The following PLEKHA7 variants were observed in gnomAD, a reference collection of about 807,000 sequenced individuals.
The protein encoded by PLEKHA7 is pleckstrin homology domain-containing family A member 7.
Under a neutral mutation model 170.0 loss-of-function variants are expected in PLEKHA7, and 104 were observed. The observed-to-expected ratio is 0.61, with a 90% confidence interval of 0.52 to 0.72. The LOEUF (loss-of-function observed/expected upper bound fraction) is 0.72, where lower values mean the gene tolerates loss of function less well. PLEKHA7 is among the 30% of genes least tolerant of loss of function. PLEKHA7 has a pLI of 0.00. For missense variants in PLEKHA7, 1,615 were observed against 1,671.7 expected, an observed-to-expected ratio of 0.97 and a Z score of 0.59; for synonymous variants, 648 against 660.8, an observed-to-expected ratio of 0.98 and a Z score of 0.30.
Position 16,803,067 on chromosome 11 carries a change from A to G in PLEKHA7, c.2077-15T>C, listed in dbSNP as rs1274606996. 1 of 1,608,974 alleles carries G rather than the reference A, an allele frequency of 6.2e-7. No homozygotes were observed. Among genetic ancestry groups the G allele is most frequent in the South Asian group, 1.1e-5 (1 of 90,972 alleles). ...CTCAGTTTGACCTAAAAGCAAGAAC[A>G]GGTGGAGAGGGCCTGGGGTGATGAG... is the stretch of plus-strand genomic sequence containing the variant. On this transcript the variant is annotated splice_polypyrimidine_tract_variant and intron_variant, in intron 14 of 26. Transcript: ENST00000531066.
chr11:16,981,124 G>A (rs1263860127), intron 3 of PLEKHA7, among the ~76,000 whole-genome samples: 1 of 152,060 alleles, frequency 6.6e-6, no homozygotes, highest in Non-Finnish European at 1.5e-5. Context: ...GTGTTGCTCT[G>A]TTCCTCCTGC....
chr11:16,874,869 T>C (rs1484517074), intron 3 of PLEKHA7, among the ~76,000 whole-genome samples: 2 of 152,144 alleles, frequency 1.3e-5, no homozygotes, highest in Non-Finnish European at 2.9e-5. Flanking sequence ...CTGGGGCAGA[T>C]CCAGCAGCCA....
intron 3 of PLEKHA7, among the ~76,000 whole-genome samples, chr11:16,886,060 CCA>C (rs1393616467): frequency 6.6e-6 from 1 of 152,010 alleles, no homozygotes; most frequent in Non-Finnish European, 1.5e-5. Context: ...ACTGTTTCTT[CCA>C]CAGAGTGAAA....
intron 13 of PLEKHA7, among the ~76,000 whole-genome samples, chr11:16,804,814 C>G (rs1225237975): frequency 6.6e-6 from 1 of 152,218 alleles, no homozygotes; most frequent in African/African-American, 2.4e-5. Context: ...TGTGTACATA[C>G]ACGTATACAC....
chr11:16,966,286 A>ATG (rs1491223432), intron 3 of PLEKHA7, among the ~76,000 whole-genome samples: 35 of 110,986 alleles, frequency 3.2e-4, no homozygotes, highest in African/African-American at 1.2e-3. Context: ...ATGGTTGTGC[A>ATG]TGTATGTGTG....
chr11:16,961,815 A>G (rs1862076960), intron 3 of PLEKHA7, among the ~76,000 whole-genome samples: 1 of 152,212 alleles, frequency 6.6e-6, no homozygotes, highest in Non-Finnish European at 1.5e-5. Context: ...GATTTAACTT[A>G]GGCAAGTCTT....
At chr11:16,849,070 T>C (rs1057181447) in intron 8 of PLEKHA7, among the ~76,000 whole-genome samples, 6 of 152,234 alleles carry the variant, frequency 3.9e-5, no homozygotes, top group African/African-American at 1.4e-4. Flanking sequence ...CCACCAGATC[T>C]GTCTGTAGTA....
Position 16,826,152 on chromosome 11 carries a change from G to T in PLEKHA7, c.1311C>A (p.His437Gln). The stretch of plus-strand genomic sequence containing the variant: ...TATCCCCTTTCTGGGCCCTTGCCCA[G>T]TGCTCCACCTGGGCCAGATTGCTCT... ...QRKSNLAQVE[H>Q]WARAQKGDSR... Residue 437 changes from histidine to glutamine, a missense_variant, in exon 10 of 27, where the codon CAC becomes CAA. Transcript: ENST00000531066. 1 of 1,614,218 alleles carries T rather than the reference G, an allele frequency of 6.2e-7. No individual in the cohort carries two copies. Among genetic ancestry groups the T allele is most frequent in the Non-Finnish European group, 8.5e-7 (1 of 1,180,040 alleles).
Position 16,955,175 on chromosome 11 carries a change from A to C in PLEKHA7, c.221+58814T>G, listed in dbSNP as rs572247644. Among the ~76,000 whole-genome samples, 27 of 152,212 alleles carry C rather than the reference A, an allele frequency of 1.8e-4. 1 individual carries two copies. In the South Asian group the frequency reaches 5.4e-3, roughly 30 times the overall value. On this transcript the variant is annotated intron_variant, in intron 3 of 26. Coordinates refer to ENST00000531066, the MANE Select transcript of PLEKHA7 (RefSeq NM_001329630.2). ...AGAAGAAAACTGAAACCCCCAATGA[A>C]CCCTGATGCTTAGGCTGCAGCAGGC...
In PLEKHA7 at chr11:16,789,842, G is replaced by A; in HGVS notation, c.3089C>T (p.Ser1030Phe). 1 of 1,614,132 alleles carries A rather than the reference G, an allele frequency of 6.2e-7. No individual in the cohort carries two copies. Among genetic ancestry groups the A allele is most frequent in the Non-Finnish European group, 8.5e-7 (1 of 1,179,988 alleles). Residue 1030 changes from serine (S) to phenylalanine (F), a missense_variant, in exon 22 of 27, where the codon TCC becomes TTC. By Grantham distance (155) the Ser-to-Phe change is radical (BLOSUM62 -2). Transcript: ENST00000531066. This position sits in a 1 kb window ranked among gnomAD's most constrained non-coding sequence, Gnocchi z 4.6. ...GAGTGTGACGTAGGGAGCAATGGTG[G>A]ACGACTGCTGGAGCCTTGACGTGGA... is the stretch of plus-strand genomic sequence containing the variant. ...SGSTSRLQQSSTIAPYVTLRR... is the reference protein window; with the variant it reads ...SGSTSRLQQSFTIAPYVTLRR...
intron 3 of PLEKHA7, among the ~76,000 whole-genome samples, chr11:16,950,416 A>C (rs1861330234): frequency 6.6e-6 from 1 of 152,150 alleles, no homozygotes; most frequent in Non-Finnish European, 1.5e-5. Context: ...GGGAGCTGGA[A>C]ACAAAGGGAT....
rs192501441 is a variant in PLEKHA7, at chr11:16,929,801, G to A, written c.222-58619C>T. ...GGGTGGATCACAAGGTCAAGAGATC[G>A]AGACCATCCTGGCCAACATGGTGAA... On this transcript the variant is annotated intron_variant, in intron 3 of 26. Transcript: ENST00000531066. Among the ~76,000 whole-genome samples, 749 of 152,038 alleles carry A rather than the reference G, an allele frequency of 4.9e-3. 4 individuals are homozygous for A. The highest frequency in any genetic ancestry group is 8.0e-3 in the Non-Finnish European group (547 of 67,988).
At chr11:16,947,407 A>G (rs1288262583) in intron 3 of PLEKHA7, among the ~76,000 whole-genome samples, 1 of 152,028 alleles carries the variant, frequency 6.6e-6, no homozygotes, top group Non-Finnish European at 1.5e-5. Context: ...CCTGGCCAAC[A>G]TGACAAAACT....
At chr11:16,818,306 A>G (rs1316654996) in intron 10 of PLEKHA7, among the ~76,000 whole-genome samples, 5 of 152,228 alleles carry the variant, frequency 3.3e-5, no homozygotes, top group African/African-American at 4.8e-5. Context: ...TGAGGAATCA[A>G]TGAGACAGGT....
At chr11:17,005,026 C>G (rs1864898459) in intron 3 of PLEKHA7, among the ~76,000 whole-genome samples, 1 of 152,142 alleles carries the variant, frequency 6.6e-6, no homozygotes, top group Admixed American at 6.6e-5. Flanking sequence ...AAAACAAGAG[C>G]AGGTACCTCA....
At chr11:16,961,736 G>A (rs950112683) in intron 3 of PLEKHA7, among the ~76,000 whole-genome samples, 2 of 152,218 alleles carry the variant, frequency 1.3e-5, no homozygotes, top group Admixed American at 1.3e-4. Flanking sequence ...CCAGAGAGGG[G>A]GTGAGAAGGC....
intron 3 of PLEKHA7, among the ~76,000 whole-genome samples, chr11:16,876,560 T>G (rs1371310485): frequency 6.6e-6 from 1 of 152,148 alleles, no homozygotes; most frequent in Non-Finnish European, 1.5e-5. Context: ...ACCATCCACA[T>G]AAATAAGCAT....
At position 16,789,364 on chromosome 11, in the gene PLEKHA7, C is replaced by G; in HGVS notation, c.3157-68G>C. ...GCTGGGCACGCAGAGGACAGCCACCCTGCTGGCTGCATTCCCGTTGTCTCT... is the reference window on the plus strand; with the variant it reads ...GCTGGGCACGCAGAGGACAGCCACCGTGCTGGCTGCATTCCCGTTGTCTCT... On this transcript the variant is annotated intron_variant, in intron 22 of 26. Transcript: ENST00000531066. The surrounding 1 kb of genome is among the most constrained non-coding windows in gnomAD (Gnocchi z 4.6). 1.0e-5 allele frequency: 15 copies of G among 1,457,576 alleles called. No homozygotes were observed. The South Asian group carries it at 1.6e-4, about 16-fold the overall frequency. The allele number at this position is 1,457,576 out of a possible 1,614,324, so 90.3% of individuals were successfully genotyped here.
intron 3 of PLEKHA7, among the ~76,000 whole-genome samples, chr11:16,903,353 C>CA (rs763325581): frequency 3.4e-4 from 52 of 152,232 alleles, no homozygotes; most frequent in Non-Finnish European, 6.6e-4. Flanking sequence ...AATAAATGGG[C>CA]AAACAGAGCA....
Sources: allele counts gnomAD v4.1 joint callset (sites outside exome capture counted in the v4.1 genomes callset), GRCh38; gene constraint gnomAD v4.1.1; non-coding constraint Gnocchi (gnomAD v3.1); transcripts MANE v1.5; gene names NCBI Gene and HGNC (gene_info 2026-07-23, HGNC 2026-07-21).